Variants in PDE3A observed in about 807,000 individuals in gnomAD.
The protein encoded by PDE3A is phosphodiesterase 3A, also known as cGMP-inhibited 3',5'-cyclic phosphodiesterase 3A.
Under a neutral mutation model 98.3 loss-of-function variants are expected in PDE3A, and 43 were observed. That is an observed-to-expected ratio of 0.44 (90% CI 0.34 to 0.56). The LOEUF (loss-of-function observed/expected upper bound fraction) is 0.56, where lower values mean the gene tolerates loss of function less well. Among genes scored for constraint, PDE3A ranks in the 20% least tolerant of loss-of-function variants. PDE3A has a pLI of 0.01. For synonymous variants in PDE3A, 663 were observed against 567.9 expected (o/e 1.17, Z -2.38); for missense variants, 1,427 against 1,440.7 (o/e 0.99, Z 0.15).
At chr12:20,621,535 A>G (rs995787696) in intron 5 of PDE3A, 124 bp downstream of exon 5, 7 of 581,156 alleles carry the variant, frequency 1.2e-5, no homozygotes, top group African/African-American at 9.5e-5. Flanking sequence ...TGTCTATTCT[A>G]ATAACCAATT....
chr12:20,583,517 G>A (rs557998010), intron 2 of PDE3A, among the ~76,000 whole-genome samples: 1 of 152,088 alleles, frequency 6.6e-6, no homozygotes, highest in Non-Finnish European at 1.5e-5. Flanking sequence ...GAAGCTAATG[G>A]TTAAGAGCAC....
chr12:20,430,739 C>G (rs969628214), intron 1 of PDE3A, among the ~76,000 whole-genome samples: 2 of 152,118 alleles, frequency 1.3e-5, no homozygotes, highest in African/African-American at 2.4e-5. Context: ...TTGGCTGCAG[C>G]CTGAATTCCT....
intron 10 of PDE3A, among the ~76,000 whole-genome samples, chr12:20,641,820 G>A (rs1408232482): frequency 6.6e-6 from 1 of 152,086 alleles, no homozygotes; most frequent in Non-Finnish European, 1.5e-5. Flanking sequence ...TATTCCAGGT[G>A]AAAAGAACTT....
chr12:20,385,353 A>G (rs979973392), intron 1 of PDE3A, among the ~76,000 whole-genome samples: 1 of 152,002 alleles, frequency 6.6e-6, no homozygotes, highest in Non-Finnish European at 1.5e-5. Flanking sequence ...ACTGTAAACT[A>G]GTTCAACCAT....
intron 7 of PDE3A, among the ~76,000 whole-genome samples, chr12:20,634,435 G>A (rs1350226068): frequency 6.6e-6 from 1 of 152,138 alleles, no homozygotes; most frequent in Non-Finnish European, 1.5e-5. Context: ...AGGATTCCAA[G>A]AAATAGGATT....
intron 15 of PDE3A, among the ~76,000 whole-genome samples, chr12:20,666,315 A>G (rs1238331321): frequency 1.3e-5 from 2 of 152,170 alleles, no homozygotes; most frequent in African/African-American, 4.8e-5. Flanking sequence ...ACTATTTTAA[A>G]GTATGCAATA....
At chr12:20,646,664 T>C (rs1038286942) in intron 11 of PDE3A, 61 bp downstream of exon 11, 1 of 1,433,690 alleles carries the variant, frequency 7.0e-7, no homozygotes, top group African/African-American at 1.4e-5. Context: ...GTTTTTGTTT[T>C]TGTTTTTTTT....
intron 1 of PDE3A, among the ~76,000 whole-genome samples, chr12:20,500,843 C>A (rs548835806): frequency 1.3e-5 from 2 of 150,664 alleles, no homozygotes; most frequent in Admixed American, 1.3e-4. Context: ...TCTCAGCTCA[C>A]TGCAGCCTCG....
intron 1 of PDE3A, among the ~76,000 whole-genome samples, chr12:20,554,958 T>C (rs1942329272): frequency 6.6e-6 from 1 of 152,210 alleles, no homozygotes; most frequent in South Asian, 2.1e-4. Flanking sequence ...TCCCCAAATT[T>C]GGTTAAGTTT....
chr12:20,409,462 T>G (rs1416949083), intron 1 of PDE3A, among the ~76,000 whole-genome samples: 1 of 152,166 alleles, frequency 6.6e-6, no homozygotes, highest in African/African-American at 2.4e-5. Flanking sequence ...TACCTACAAT[T>G]TGATACTATG....
chr12:20,431,669 T>A (rs1165125646), intron 1 of PDE3A, among the ~76,000 whole-genome samples: 4 of 151,972 alleles, frequency 2.6e-5, no homozygotes, highest in Non-Finnish European at 5.9e-5. Flanking sequence ...CTCACTGCTA[T>A]TTTGACGTAT....
chr12:20,422,249 G>C (rs924571113), intron 1 of PDE3A, among the ~76,000 whole-genome samples: 1 of 152,026 alleles, frequency 6.6e-6, no homozygotes, highest in Non-Finnish European at 1.5e-5. Flanking sequence ...GGGAGGCTGA[G>C]GGGAGAATGG....
intron 15 of PDE3A, among the ~76,000 whole-genome samples, chr12:20,655,675 G>T (rs1464849656): frequency 1.3e-5 from 2 of 152,190 alleles, no homozygotes; most frequent in Admixed American, 1.3e-4. Context: ...GTAGGTCACG[G>T]TAAGTGTTGT....
intron 1 of PDE3A, among the ~76,000 whole-genome samples, chr12:20,475,566 C>A (rs572305750): frequency 1.6e-3 from 244 of 151,800 alleles, no homozygotes; most frequent in African/African-American, 5.5e-3. Flanking sequence ...CCATCTCTAC[C>A]AAAAAATACA....
Position 20,630,109 on chromosome 12 carries a change from C to T in PDE3A, c.1742C>T (p.Pro581Leu), listed in dbSNP as rs1261891108. 6 of 1,609,576 alleles carry T rather than the reference C, an allele frequency of 3.7e-6. No homozygotes were observed. The highest frequency in any genetic ancestry group is 5.1e-6 in the Non-Finnish European group (6 of 1,175,936). ...GACCTATCCCCTCAAATCCTGACTC[C>T]ACCTGTTATATGTAGCAGGTAAGGA... ...APDLSPQILT[P>L]PVICSSCGRP... is the part of the protein sequence containing the mutation. Residue 581 changes from proline to leucine, a missense_variant, in exon 6 of 16, where the codon CCA becomes CTA. By Grantham distance (98) the Pro-to-Leu change is moderately conservative (BLOSUM62 -3). Around this residue, in one of 3 missense-constraint regions of PDE3A, gnomAD observed 1,012 missense variants for 886.5 expected, o/e 1.14. Transcript: ENST00000359062.
chr12:20,577,339 T>TC (rs1942959562), intron 2 of PDE3A, among the ~76,000 whole-genome samples: 2 of 152,100 alleles, frequency 1.3e-5, no homozygotes, highest in Non-Finnish European at 2.9e-5. Flanking sequence ...GAATCACTGA[T>TC]ACATACCTTG....
At chr12:20,458,764 C>T (rs1040527884) in intron 1 of PDE3A, among the ~76,000 whole-genome samples, 1 of 152,078 alleles carries the variant, frequency 6.6e-6, no homozygotes, top group African/African-American at 2.4e-5. Context: ...TTCAGAAACA[C>T]AGAGCTATTC....
intron 1 of PDE3A, among the ~76,000 whole-genome samples, chr12:20,546,340 T>C (rs1316013662): frequency 2.7e-5 from 4 of 150,120 alleles, no homozygotes; most frequent in Non-Finnish European, 4.4e-5. Context: ...ACATTCTTAC[T>C]CCGTTAATAA....
intron 15 of PDE3A, among the ~76,000 whole-genome samples, chr12:20,678,992 C>T (rs1360374012): frequency 2.0e-5 from 3 of 152,088 alleles, no homozygotes; most frequent in Admixed American, 1.3e-4. Flanking sequence ...AAAATAAAAA[C>T]AGAAACAGTA....
Sources: gnomAD v4.1 joint callset for allele counts (sites outside exome capture counted in the v4.1 genomes callset) on GRCh38, gnomAD v4.1.1 for gene constraint, gnomAD v4.1.1 regional missense constraint, MANE v1.5 for transcripts, NCBI Gene and HGNC (gene_info 2026-07-23, HGNC 2026-07-21) for gene names.